The following SLC47A2 variants were observed in gnomAD, a reference collection of about 807,000 sequenced individuals.
SLC47A2 encodes multidrug and toxin extrusion protein 2.
A neutral mutation model predicts 67.7 loss-of-function variants in SLC47A2; 52 were observed. The observed-to-expected ratio is 0.77, with a 90% CI of 0.61 to 0.97. The LOEUF (loss-of-function observed/expected upper bound fraction) is 0.97. Ranked by LOEUF, SLC47A2 falls within the 50% of genes least tolerant of loss-of-function variation. The pLI, the probability that SLC47A2 is intolerant of heterozygous loss-of-function variation, is 0.00. For synonymous variants in SLC47A2, 278 were observed against 292.9 expected (o/e 0.95, Z 0.52); for missense variants, 676 against 712.3 (o/e 0.95, Z 0.58).
intron 1 of SLC47A2, 57 bp downstream of exon 1, chr17:19,716,376 C>T: frequency 1.3e-6 from 2 of 1,554,282 alleles, no homozygotes; most frequent in East Asian, 2.4e-5. Flanking sequence ...AAGGCAGACA[C>T]CCTCAGCCTC....
At chr17:19,708,433 T>C in intron 6 of SLC47A2, 34 bp from the exon 7 acceptor site, 2 of 1,614,036 alleles carry the variant, frequency 1.2e-6, no homozygotes, top group Non-Finnish European at 1.7e-6. Context: ...TGCTAAGGTG[T>C]GAGTGAGATG....
chr17:19,699,617 G>C (rs2085742631), intron 13 of SLC47A2, among the ~76,000 whole-genome samples: 1 of 151,866 alleles, frequency 6.6e-6, no homozygotes, highest in Non-Finnish European at 1.5e-5. Flanking sequence ...TGCCCAGGCT[G>C]GTCTCAAACT....
chr17:19,705,141 G>C, intron 10 of SLC47A2: 1 of 441,698 alleles, frequency 2.3e-6, no homozygotes, highest in Non-Finnish European at 4.0e-6. Flanking sequence ...CATTTTTAAA[G>C]AAAATCCAAA....
rs2085990562 is a variant in SLC47A2 at position 19,707,992 on chromosome 17, C to T, written c.630-149G>A. On this transcript the variant is annotated intron_variant, in intron 7 of 16. Coordinates refer to ENST00000433844, the MANE Select transcript of SLC47A2 (RefSeq NM_001099646.3). ...CCTGGGATCAGACTCAACCAGGGCC[C>T]ACAGGCACCTCTGGCCATGGTGGCT... 9.8e-6 allele frequency: 8 copies of T among 817,578 alleles called. No individual in the cohort carries two copies. In the South Asian group the frequency reaches 1.4e-4, roughly 14 times the overall value. 50.6% of individuals were successfully genotyped at this position (817,578 alleles called of 1,614,324 possible). A position where few individuals can be genotyped will look rare whatever the true frequency, so the allele number is the denominator to read the frequency against.
Position 19,685,430 on chromosome 17 carries a change from G to A in SLC47A2, c.1165-3760C>T, listed in dbSNP as rs554374523. 1.6e-4 allele frequency among the ~76,000 whole-genome samples: 25 copies of A among 152,098 alleles called. No homozygotes were observed. The highest frequency in any genetic ancestry group is 3.2e-4 in the Non-Finnish European group (22 of 67,986). On this transcript the variant is annotated intron_variant, in intron 13 of 16. Coordinates refer to ENST00000433844, the MANE Select transcript of SLC47A2 (RefSeq NM_001099646.3). The surrounding 1 kb of genome is among the most constrained non-coding windows in gnomAD (Gnocchi z 4.5). ...CTCTGCCTGGCCGCCCATCATCTGG[G>A]ATGTGAGGAGCCCCTCTGCCTGGCC...
At chr17:19,702,492 C>T in intron 13 of SLC47A2, 113 bp downstream of exon 13, 1 of 1,531,144 alleles carries the variant, frequency 6.5e-7, no homozygotes, top group East Asian at 2.4e-5. Context: ...ATACAGTTAG[C>T]CCTTCATGTG....
At chr17:19,704,002 CT>C in intron 11 of SLC47A2, 67 bp downstream of exon 11, 1 of 1,280,918 alleles carries the variant, frequency 7.8e-7, no homozygotes, top group Non-Finnish European at 1.1e-6. Context: ...GCATGCCAGC[CT>C]TCCTGTGGCC....
intron 13 of SLC47A2, among the ~76,000 whole-genome samples, chr17:19,682,806 C>T (rs1310249889): frequency 6.6e-6 from 1 of 152,230 alleles, no homozygotes; most frequent in African/African-American, 2.4e-5. Flanking sequence ...AAGCAGCCCT[C>T]ACCCACTGCT....
rs2086216954 is a variant in SLC47A2 at position 19,715,129 on chromosome 17, G to T, written c.212C>A (p.Thr71Asn). Residue 71 changes from threonine to asparagine, a missense_variant, in exon 2 of 17, where the codon ACC becomes AAC. By Grantham distance (65) the Thr-to-Asn change is moderately conservative. Transcript: ENST00000433844. ...CTGGGTACTCACGGCCACCGCGAGG[G>T]TCACCGATGCCAGCTCCACCTTGCC... ...HLGKVELASVTLAVAFVNVCG... is the reference protein window; with the variant it reads ...HLGKVELASVNLAVAFVNVCG... 1 of 1,612,242 alleles carries T rather than the reference G, an allele frequency of 6.2e-7. No homozygotes were observed. The highest frequency in any genetic ancestry group is 8.5e-7 in the Non-Finnish European group (1 of 1,179,992).
chr17:19,704,780 C>T, intron 10 of SLC47A2: 1 of 1,152,756 alleles, frequency 8.7e-7, no homozygotes, highest in East Asian at 2.6e-5. Flanking sequence ...CTCTGGCCGA[C>T]TGCAGTGTGC....
intron 7 of SLC47A2, 38 bp downstream of exon 7, chr17:19,708,264 G>A (rs1486376770): frequency 6.2e-7 from 1 of 1,604,560 alleles, no homozygotes; most frequent in Non-Finnish European, 8.5e-7. Flanking sequence ...TCAGTGGGCA[G>A]TGTCCCCTGA....
At chr17:19,712,679 C>A (rs753152513) in intron 5 of SLC47A2, 24 bp downstream of exon 5, 2 of 1,611,262 alleles carry the variant, frequency 1.2e-6, no homozygotes, top group Non-Finnish European at 1.7e-6. Context: ...TGTGATTCCA[C>A]GCTCAGCAAA....
At chr17:19,714,602 C>T in intron 3 of SLC47A2, 119 bp downstream of exon 3, 1 of 1,172,476 alleles carries the variant, frequency 8.5e-7, no homozygotes, top group Non-Finnish European at 1.3e-6. Context: ...CAGCTGACCC[C>T]AGGGCCCATT....
intron 13 of SLC47A2, among the ~76,000 whole-genome samples, chr17:19,691,748 GGATT>G (rs1466467891): frequency 2.6e-5 from 4 of 152,130 alleles, no homozygotes; most frequent in African/African-American, 9.7e-5. Context: ...AAGTATAATT[GGATT>G]GATTGTAGCA....
chr17:19,713,761 G>A, intron 4 of SLC47A2, 64 bp downstream of exon 4: 1 of 1,566,326 alleles, frequency 6.4e-7, no homozygotes, highest in Non-Finnish European at 8.6e-7. Flanking sequence ...GGCATCTTCA[G>A]GGTTTCCCTC....
intron 13 of SLC47A2, among the ~76,000 whole-genome samples, chr17:19,684,792 T>C (rs560641051): frequency 1.3e-5 from 2 of 152,206 alleles, no homozygotes; most frequent in South Asian, 4.2e-4. Flanking sequence ...CATGCATCTA[T>C]TAAAAAAACT....
Position 19,702,660 on chromosome 17 carries a change from A to T in SLC47A2, c.1109T>A (p.Leu370Gln). The change falls in exon 13 of 17, where the codon CTG becomes CAG. Residue 370 changes from leucine (L) to glutamine (Q), a missense_variant. Leu to Gln is a moderately radical substitution (Grantham distance 113). Transcript: ENST00000433844. ...ATAAACCGGCAAGACCTGGCTCACC[A>T]GGGCAATGACATCTCTGCAGAAGAA... ...IFTNDEDVIALVSQVLPVYSV... is the reference protein window; with the variant it reads ...IFTNDEDVIAQVSQVLPVYSV... The T allele has an allele frequency of 6.2e-7, 1 of 1,614,050 alleles. No homozygotes were observed. The highest frequency in any genetic ancestry group is 8.5e-7 in the Non-Finnish European group (1 of 1,179,994).
rs2086229313 is a variant in SLC47A2, at chr17:19,715,459, TGCCTGGC to T, written c.124-249_124-243del. On this transcript the variant is annotated intron_variant, in intron 1 of 16. Coordinates refer to ENST00000433844, the MANE Select transcript of SLC47A2 (RefSeq NM_001099646.3). ...AGGGTCAGTGCCTGGCGCAGCGCAG[TGCCTGGC>T]GCCCTGAGCTTGACCCAAGTGTCTG... is the stretch of plus-strand genomic sequence containing the variant. Among the ~76,000 whole-genome samples, 4 of 152,232 alleles carry T rather than the reference TGCCTGGC, an allele frequency of 2.6e-5. No individual in the cohort carries two copies. The South Asian group carries it at 8.3e-4, about 32-fold the overall frequency.
rs959041531 is a variant in SLC47A2 at position 19,702,124 on chromosome 17, T to A, written c.1164+481A>T. ...ACCCTGTCTCAAAAAAAAAAAAAAA[T>A]TACATAATTCAAATCTGTGTTAAAT... On this transcript the variant is annotated intron_variant, in intron 13 of 16. Coordinates refer to ENST00000433844, the MANE Select transcript of SLC47A2 (RefSeq NM_001099646.3). The A allele has an allele frequency of 4.1e-6, 4 of 979,412 alleles. No homozygotes were observed. In the African/African-American group the frequency reaches 5.4e-5, roughly 13 times the overall value. The allele number at this position is 979,412 out of a possible 1,614,324, so 60.7% of individuals were successfully genotyped here.
Sources: gnomAD v4.1 joint callset for allele counts (sites outside exome capture counted in the v4.1 genomes callset) on GRCh38, gnomAD v4.1.1 for gene constraint, Gnocchi (gnomAD v3.1) non-coding constraint, MANE v1.5 for transcripts, NCBI Gene and HGNC (gene_info 2026-07-23, HGNC 2026-07-21) for gene names.